Variants in RASEF observed in about 807,000 individuals in gnomAD.
RASEF encodes the protein RAS and EF-hand domain containing.
Under a neutral mutation model 90.1 loss-of-function variants are expected in RASEF, and 68 were observed. That is an observed-to-expected ratio of 0.75 (90% CI 0.62 to 0.92). The LOEUF (loss-of-function observed/expected upper bound fraction) is 0.92. Among genes scored for constraint, RASEF ranks in the 40% least tolerant of loss-of-function variants. The probability of loss-of-function intolerance (pLI) is 0.00; values close to 1 mark genes in which losing one functional copy is unlikely to be tolerated. For synonymous variants in RASEF, 331 were observed against 345.2 expected (o/e 0.96, Z 0.46); for missense variants, 949 against 937.2 (o/e 1.01, Z -0.16).
upstream of RASEF, among the ~76,000 whole-genome samples, chr9:83,066,589 G>A (rs1830283780): frequency 6.6e-6 from 1 of 152,198 alleles, no homozygotes. Context: ...TGAATTAGTA[G>A]GTAAGGAGAG....
At chr9:83,073,485 T>C in the RASEF span, among the ~76,000 whole-genome samples, 1 of 151,998 alleles carries the variant, frequency 6.6e-6, no homozygotes, top group Non-Finnish European at 1.5e-5. Context: ...CTCCTCTTAA[T>C]GGTAACCCAG....
At chr9:83,169,492 C>G in the RASEF span, among the ~76,000 whole-genome samples, 2 of 151,958 alleles carry the variant, frequency 1.3e-5, no homozygotes, top group Non-Finnish European at 2.9e-5. Context: ...ATTTACATTG[C>G]CACCAACGGT....
the RASEF span, among the ~76,000 whole-genome samples, chr9:83,099,434 C>T: frequency 5.5e-3 from 832 of 152,266 alleles, 10 homozygotes; most frequent in African/African-American, 0.019. Context: ...TACCGTGTTA[C>T]GCTAAGTTAT....
At chr9:82,990,906 C>T (rs374870488) in intron 15 of RASEF, among the ~76,000 whole-genome samples, 9 of 152,170 alleles carry the variant, frequency 5.9e-5, no homozygotes, top group African/African-American at 1.9e-4. Flanking sequence ...GCAGCCTCCA[C>T]GTTTGCTGAA....
At chr9:83,086,848 C>G in the RASEF span, among the ~76,000 whole-genome samples, 1 of 152,056 alleles carries the variant, frequency 6.6e-6, no homozygotes, top group African/African-American at 2.4e-5. Flanking sequence ...TCAAGCAGCC[C>G]AGGATGGAGC....
intron 3 of RASEF, among the ~76,000 whole-genome samples, chr9:83,018,931 T>C (rs774095451): frequency 6.6e-6 from 1 of 152,152 alleles, no homozygotes; most frequent in Non-Finnish European, 1.5e-5. Context: ...TCTTGTTTAA[T>C]AAAGGTGTGG....
chr9:83,098,728 A>G, the RASEF span, among the ~76,000 whole-genome samples: 1 of 152,210 alleles, frequency 6.6e-6, no homozygotes, highest in East Asian at 1.9e-4. Context: ...CTTACATGGC[A>G]GCAGGCAAAG....
At chr9:82,996,200 C>T (rs1445711656) in intron 14 of RASEF, among the ~76,000 whole-genome samples, 2 of 152,190 alleles carry the variant, frequency 1.3e-5, no homozygotes, top group Non-Finnish European at 2.9e-5. Context: ...GTCCTCTGTT[C>T]AGCCACTACT....
the RASEF span, among the ~76,000 whole-genome samples, chr9:83,104,176 G>T: frequency 3.3e-5 from 5 of 152,014 alleles, no homozygotes; most frequent in African/African-American, 4.8e-5. Context: ...TAATATCAAT[G>T]AATTTTTCTT....
At chr9:83,092,335 G>A in the RASEF span, among the ~76,000 whole-genome samples, 4 of 152,010 alleles carry the variant, frequency 2.6e-5, no homozygotes, top group African/African-American at 7.3e-5. Flanking sequence ...ACGGACCCTC[G>A]CGGTGAGTGT....
chr9:83,104,027 T>C, the RASEF span, among the ~76,000 whole-genome samples: 1 of 152,168 alleles, frequency 6.6e-6, no homozygotes, highest in Non-Finnish European at 1.5e-5. Flanking sequence ...GGTTAAAACA[T>C]CTTTCAGAAA....
chr9:83,086,579 C>T, the RASEF span, among the ~76,000 whole-genome samples: 5 of 152,158 alleles, frequency 3.3e-5, no homozygotes, highest in Admixed American at 6.5e-5. Flanking sequence ...AGGTGCTTCA[C>T]GAGGTTGAGG....
chr9:83,086,947 G>A, the RASEF span, among the ~76,000 whole-genome samples: 2 of 152,298 alleles, frequency 1.3e-5, no homozygotes, highest in East Asian at 1.9e-4. Context: ...ATGTTGGAAG[G>A]AACTACATAA....
At chr9:83,111,261 A>G in the RASEF span, among the ~76,000 whole-genome samples, 1 of 152,202 alleles carries the variant, frequency 6.6e-6, no homozygotes, top group African/African-American at 2.4e-5. Context: ...TCTGAAGACA[A>G]TGTGCAGGAT....
the RASEF span, among the ~76,000 whole-genome samples, chr9:83,181,243 G>A: frequency 1.3e-5 from 2 of 151,704 alleles, no homozygotes; most frequent in South Asian, 2.1e-4. Context: ...GAAAGCTAAC[G>A]TGAGGCTTGA....
At chr9:83,047,936 T>C (rs1587521884) in intron 1 of RASEF, among the ~76,000 whole-genome samples, 2 of 152,224 alleles carry the variant, frequency 1.3e-5, no homozygotes, top group African/African-American at 2.4e-5. Context: ...TCTTTAGCTA[T>C]GCAAAATTGG....
chr9:83,004,993 G>A (rs754471843), intron 8 of RASEF, among the ~76,000 whole-genome samples: 16 of 152,236 alleles, frequency 1.1e-4, no homozygotes, highest in Non-Finnish European at 1.9e-4. Flanking sequence ...TTCCAAAAGT[G>A]GGATAAGAGG....
the RASEF span, among the ~76,000 whole-genome samples, chr9:83,095,528 A>G: frequency 6.6e-6 from 1 of 150,914 alleles, no homozygotes; most frequent in Non-Finnish European, 1.5e-5. Context: ...TGGATTTCCT[A>G]TAAATGAAGC....
intron 1 of RASEF, among the ~76,000 whole-genome samples, chr9:83,058,246 G>C (rs541826709): frequency 7.5e-6 from 1 of 134,060 alleles, no homozygotes; most frequent in Non-Finnish European, 1.5e-5. Context: ...GCAGTGGCGC[G>C]ATCTCGGCTC....
Sources: gnomAD v4.1 joint callset for allele counts (sites outside exome capture counted in the v4.1 genomes callset) on GRCh38, gnomAD v4.1.1 for gene constraint, MANE v1.5 for transcripts, NCBI Gene and HGNC (gene_info 2026-07-23, HGNC 2026-07-21) for gene names.